Variants in GMDS observed in about 807,000 individuals in gnomAD.
GMDS encodes the protein GDP-mannose 4,6-dehydratase.
A neutral mutation model predicts 49.9 loss-of-function variants in GMDS; 20 were observed. The ratio of observed to expected loss-of-function variants is 0.40; its 90% CI spans 0.28 to 0.58. GMDS has a LOEUF of 0.58. Ranked by LOEUF, GMDS falls within the 20% of genes least tolerant of loss-of-function variation. The pLI, the probability that GMDS is intolerant of heterozygous loss-of-function variation, is 0.42. For synonymous variants in GMDS, 177 were observed against 178.6 expected, an observed-to-expected ratio of 0.99 and a Z score of 0.07; for missense variants, 362 against 481.4, an observed-to-expected ratio of 0.75 and a Z score of 2.32.
intron 7 of GMDS, among the ~76,000 whole-genome samples, chr6:1,788,015 A>C (rs992903581): frequency 6.6e-6 from 1 of 152,146 alleles, no homozygotes; most frequent in Non-Finnish European, 1.5e-5. Flanking sequence ...CCCACCGTGC[A>C]GCCTTGGCAG....
chr6:1,921,837 T>C (rs758463739), intron 7 of GMDS, among the ~76,000 whole-genome samples: 11 of 152,344 alleles, frequency 7.2e-5, no homozygotes, highest in Non-Finnish European at 1.5e-4. Context: ...TTTCTTGGAA[T>C]ATTTTTCAAA....
chr6:2,229,565 A>G lies in GMDS; in HGVS notation c.102+15756T>C, dbSNP rs368610485. 6.7e-3 allele frequency among the ~76,000 whole-genome samples: 1,025 copies of G among 152,188 alleles called. 19 individuals carry two copies. The highest frequency in any genetic ancestry group is 0.024 in the African/African-American group (983 of 41,520). On this transcript the variant is annotated intron_variant, in intron 1 of 10. Transcript: ENST00000380815. ...CACGCCACTGTACTCCAGCCTGGGC[A>G]AGAGCAAGACAAAAAAAAAGTAAAT...
intron 1 of GMDS, among the ~76,000 whole-genome samples, chr6:2,171,563 C>A (rs1019758162): frequency 7.2e-5 from 11 of 152,244 alleles, no homozygotes; most frequent in African/African-American, 2.6e-4. Context: ...ACCTATGTAT[C>A]TCTAGGAAGC....
At chr6:2,066,041 A>T (rs1771564641) in intron 4 of GMDS, among the ~76,000 whole-genome samples, 2 of 152,242 alleles carry the variant, frequency 1.3e-5, no homozygotes. Context: ...GTTACCCTCA[A>T]AGGGAAGCCC....
At chr6:2,035,814 G>A (rs1284184474) in intron 4 of GMDS, among the ~76,000 whole-genome samples, 1 of 152,046 alleles carries the variant, frequency 6.6e-6, no homozygotes, top group East Asian at 1.9e-4. Context: ...AGCCTCCTGA[G>A]CAGCTAGGAT....
At chr6:2,235,643 A>G (rs74847317) in intron 1 of GMDS, among the ~76,000 whole-genome samples, 1 of 141,096 alleles carries the variant, frequency 7.1e-6, no homozygotes, top group African/African-American at 2.7e-5. Flanking sequence ...CCATCTTAAC[A>G]AAAAAAAAAA....
At chr6:1,732,567 T>C (rs903986272) in intron 8 of GMDS, among the ~76,000 whole-genome samples, 3 of 152,208 alleles carry the variant, frequency 2.0e-5, no homozygotes, top group Non-Finnish European at 4.4e-5. Flanking sequence ...AGTAACGACA[T>C]GTTATTTGGA....
intron 4 of GMDS, among the ~76,000 whole-genome samples, chr6:2,044,964 C>T (rs1356769721): frequency 6.6e-6 from 1 of 151,946 alleles, no homozygotes; most frequent in African/African-American, 2.4e-5. Flanking sequence ...TTTCAAAGCA[C>T]TCCGAAAATT....
intron 9 of GMDS, among the ~76,000 whole-genome samples, chr6:1,677,762 CAG>C (rs1205149930): frequency 7.5e-6 from 1 of 133,718 alleles, no homozygotes; most frequent in Non-Finnish European, 1.5e-5. Flanking sequence ...CACTTGGACA[CAG>C]GGTGCGGAAC....
At chr6:1,984,162 G>A (rs954737878) in intron 4 of GMDS, among the ~76,000 whole-genome samples, 4 of 152,106 alleles carry the variant, frequency 2.6e-5, no homozygotes, top group African/African-American at 9.7e-5. Context: ...TAAGTGGGAG[G>A]TGAATGATGA....
At chr6:2,165,339 A>G (rs1777611024) in intron 1 of GMDS, among the ~76,000 whole-genome samples, 1 of 152,262 alleles carries the variant, frequency 6.6e-6, no homozygotes, top group Admixed American at 6.5e-5. Context: ...TCTGAAAGCC[A>G]GCAGCTTTGA....
chr6:2,122,339 G>C (rs763007593), intron 2 of GMDS, among the ~76,000 whole-genome samples: 17 of 152,174 alleles, frequency 1.1e-4, no homozygotes, highest in Non-Finnish European at 1.2e-4. Flanking sequence ...CAGGGCCTGA[G>C]TGATTCTGAT....
chr6:1,638,653 G>C lies in GMDS; in HGVS notation c.988-14113C>G, dbSNP rs560099608. ...CAGAGCCACCTGACATGGGAACTCT[G>C]GGGTTTGGGATACTACCAAGGGACC... On this transcript the variant is annotated intron_variant, in intron 9 of 10. Coordinates refer to ENST00000380815, the MANE Select transcript of GMDS (RefSeq NM_001500.4). 4.6e-5 allele frequency among the ~76,000 whole-genome samples: 7 copies of C among 152,176 alleles called. No homozygotes were observed. In the East Asian group the frequency reaches 1.2e-3, roughly 25 times the overall value.
At chr6:1,900,788 A>G (rs1290729220) in intron 7 of GMDS, among the ~76,000 whole-genome samples, 3 of 152,184 alleles carry the variant, frequency 2.0e-5, no homozygotes, top group Non-Finnish European at 2.9e-5. Context: ...TCATTTCCAC[A>G]TCTAATCAGA....
chr6:2,038,645 T>C (rs1422592434), intron 4 of GMDS, among the ~76,000 whole-genome samples: 1 of 152,182 alleles, frequency 6.6e-6, no homozygotes, highest in Non-Finnish European at 1.5e-5. Context: ...CAGACTCCTA[T>C]GAGAAGCAAA....
intron 9 of GMDS, among the ~76,000 whole-genome samples, chr6:1,706,324 C>T (rs1217224898): frequency 6.6e-6 from 1 of 152,204 alleles, no homozygotes; most frequent in Admixed American, 6.5e-5. Flanking sequence ...ACTCCAGAGG[C>T]AGCAGCACAG....
intron 1 of GMDS, among the ~76,000 whole-genome samples, chr6:2,238,491 A>G (rs1420258887): frequency 6.6e-6 from 1 of 152,130 alleles, no homozygotes; most frequent in African/African-American, 2.4e-5. Context: ...CATTATCCTC[A>G]TACTTTTACT....
At chr6:1,739,234 G>C (rs888257606) in intron 8 of GMDS, among the ~76,000 whole-genome samples, 4 of 152,170 alleles carry the variant, frequency 2.6e-5, no homozygotes, top group Non-Finnish European at 5.9e-5. Context: ...TCAGACCCTG[G>C]CTCTGCTACT....
intron 9 of GMDS, among the ~76,000 whole-genome samples, chr6:1,718,346 T>C (rs1343703213): frequency 6.6e-6 from 1 of 152,176 alleles, no homozygotes; most frequent in African/African-American, 2.4e-5. Context: ...CCCTGCAAAG[T>C]AAGTCTTCTC....
Sources: allele counts gnomAD v4.1 joint callset (sites outside exome capture counted in the v4.1 genomes callset), GRCh38; gene constraint gnomAD v4.1.1; transcripts MANE v1.5; gene names NCBI Gene and HGNC (gene_info 2026-07-23, HGNC 2026-07-21).